Variants in FBN2 observed in about 807,000 individuals in gnomAD.
FBN2 encodes the protein fibrillin-2.
In FBN2, 105 loss-of-function variants were observed where a neutral mutation model predicts 355.6. That is an observed-to-expected ratio of 0.30 (90% CI 0.25 to 0.35). The LOEUF (loss-of-function observed/expected upper bound fraction) is 0.35, where lower values mean the gene tolerates loss of function less well. Among genes scored for constraint, FBN2 ranks in the 10% least tolerant of loss-of-function variants. The pLI is 1.00. For missense variants in FBN2, 3,280 were observed against 3,758.7 expected (o/e 0.87, Z 3.33); for synonymous variants, 1,350 against 1,301.2 (o/e 1.04, Z -0.81).
chr5:128,371,489 TTCCC>T (rs199991704), intron 15 of FBN2, among the ~76,000 whole-genome samples: 7 of 136,572 alleles, frequency 5.1e-5, no homozygotes, highest in East Asian at 2.0e-4. Flanking sequence ...CCTTCCTTTC[TTCCC>T]TCCCTCCCTC....
At chr5:128,337,519 A>C (rs1470694331) in intron 27 of FBN2, among the ~76,000 whole-genome samples, 1 of 152,222 alleles carries the variant, frequency 6.6e-6, no homozygotes, top group Non-Finnish European at 1.5e-5. Context: ...CCTTTCTGGC[A>C]GCCCTACAGA....
chr5:128,324,136 TC>T (rs916350864), intron 34 of FBN2, among the ~76,000 whole-genome samples: 3 of 152,128 alleles, frequency 2.0e-5, no homozygotes, highest in Admixed American at 6.6e-5. Context: ...AGTGGTGATA[TC>T]CCCCCCTTTA....
chr5:128,290,150 C>G (rs1157770366), intron 50 of FBN2, among the ~76,000 whole-genome samples: 1 of 152,178 alleles, frequency 6.6e-6, no homozygotes. Context: ...CTGCTCAGTG[C>G]TCCTGGTTCT....
intron 11 of FBN2, among the ~76,000 whole-genome samples, chr5:128,388,133 G>C (rs1752416566): frequency 1.3e-5 from 2 of 152,126 alleles, no homozygotes. Context: ...TTGGTTTAAA[G>C]TCTGTTTTGT....
chr5:128,504,261 G>A (rs1025570933), intron 5 of FBN2, among the ~76,000 whole-genome samples: 5 of 152,146 alleles, frequency 3.3e-5, no homozygotes, highest in Admixed American at 2.6e-4. Context: ...GGGAAATGTG[G>A]GGTCGCAGCC....
At chr5:128,309,707 G>A (rs1749980047) in intron 40 of FBN2, among the ~76,000 whole-genome samples, 1 of 151,832 alleles carries the variant, frequency 6.6e-6, no homozygotes, top group Admixed American at 6.6e-5. Flanking sequence ...TCTTTTATTT[G>A]TAAATTAATG....
intron 5 of FBN2, among the ~76,000 whole-genome samples, chr5:128,496,645 G>A (rs1035879799): frequency 6.6e-6 from 1 of 151,958 alleles, no homozygotes; most frequent in Admixed American, 6.6e-5. Flanking sequence ...TGTACCAGAG[G>A]TTCCAGCCAG....
At chr5:128,386,630 A>T (rs538084838) in intron 11 of FBN2, among the ~76,000 whole-genome samples, 1 of 152,198 alleles carries the variant, frequency 6.6e-6, no homozygotes, top group Admixed American at 6.5e-5. Context: ...CATTTTAATA[A>T]TGTCGATTCT....
intron 42 of FBN2, among the ~76,000 whole-genome samples, chr5:128,306,357 C>T (rs764284539): frequency 7.2e-5 from 11 of 152,022 alleles, no homozygotes; most frequent in East Asian, 1.9e-4. Flanking sequence ...TGGTGGCTCA[C>T]GCCTGTAATC....
chr5:128,259,619 C>A lies in FBN2; in HGVS notation c.8575G>T (p.Ala2859Ser). The stretch of plus-strand genomic sequence containing the variant: ...GTGCCGGGCATGAGCTTCTTCTTGG[C>A]CGTGTGCAAGTAGCTGAGCCCATTC... ...QRNGLSYLHT[A>S]KKKLMPGTYT... The change falls in exon 65 of 65, where the codon GCC becomes TCC. Residue 2859 changes from alanine (A) to serine (S), a missense_variant. Ala to Ser is a moderately conservative substitution (Grantham distance 99, BLOSUM62 1). Transcript: ENST00000262464. 1.2e-6 allele frequency: 2 copies of A among 1,614,002 alleles called. No homozygotes were observed. The highest frequency in any genetic ancestry group is 1.7e-6 in the Non-Finnish European group (2 of 1,180,006).
At chr5:128,450,593 C>T (rs1406327299) in intron 6 of FBN2, among the ~76,000 whole-genome samples, 1 of 151,942 alleles carries the variant, frequency 6.6e-6, no homozygotes, top group Admixed American at 6.6e-5. Flanking sequence ...AAAAGAGAAG[C>T]TTCTTAAATC....
chr5:128,332,113 G>A (rs1750709924), intron 32 of FBN2, among the ~76,000 whole-genome samples: 1 of 152,132 alleles, frequency 6.6e-6, no homozygotes, highest in African/African-American at 2.4e-5. Context: ...GGATAAAAAA[G>A]TATATATTCA....
chr5:128,446,510 T>C lies in FBN2; in HGVS notation c.923A>G (p.Lys308Arg), dbSNP rs1259447974. The C allele has an allele frequency of 6.2e-7, 1 of 1,614,038 alleles. No individual in the cohort carries two copies. The highest frequency in any genetic ancestry group is 1.3e-5 in the African/African-American group (1 of 75,062). ...ACATTTCTGAGTAGTTTCACTCTGTTTGTGACCAGCAGGGCATCTGCATTC... is the reference window on the plus strand; with the variant it reads ...ACATTTCTGAGTAGTTTCACTCTGTCTGTGACCAGCAGGGCATCTGCATTC... ...SFECRCPAGH[K>R]QSETTQKCED... The change falls in exon 7 of 65, where the codon AAA becomes AGA. Residue 308 changes from lysine to arginine, a missense_variant. By Grantham distance (26) the Lys-to-Arg change is conservative (BLOSUM62 2). This residue lies in a region of FBN2 where 343 missense variants were observed against 331.0 expected (regional missense o/e 1.04). Coordinates refer to ENST00000262464, the MANE Select transcript of FBN2 (RefSeq NM_001999.4).
rs765281440 is a variant in FBN2, at chr5:128,335,404, CA to C, written c.3847+50del. On this transcript the variant is annotated intron_variant, in intron 29 of 64. Coordinates refer to ENST00000262464, the MANE Select transcript of FBN2 (RefSeq NM_001999.4). ...TTGGTAATATCTGGAGCCATATTTT[CA>C]AGAAAAAATTAGTTAGATGTACAAA... The C allele has an allele frequency of 1.7e-4, 272 of 1,613,378 alleles. 1 individual carries two copies. Among genetic ancestry groups the C allele is most frequent in the Non-Finnish European group, 1.8e-5 (21 of 1,179,368 alleles).
chr5:128,498,422 T>A (rs934208786), intron 5 of FBN2, among the ~76,000 whole-genome samples: 2 of 152,214 alleles, frequency 1.3e-5, no homozygotes, highest in South Asian at 4.1e-4. Context: ...TGTTCTTTGA[T>A]CTTGTCTAGT....
intron 7 of FBN2, among the ~76,000 whole-genome samples, chr5:128,436,881 T>C (rs1404808305): frequency 6.6e-6 from 1 of 152,148 alleles, no homozygotes; most frequent in Non-Finnish European, 1.5e-5. Context: ...AGTCCTGGGC[T>C]GAGGTGGAGA....
chr5:128,331,253 G>T (rs2126889889), intron 32 of FBN2, among the ~76,000 whole-genome samples: 1 of 152,304 alleles, frequency 6.6e-6, no homozygotes, highest in South Asian at 2.1e-4. Flanking sequence ...TGGGCTGCAG[G>T]AACAAAGATG....
chr5:128,520,925 A>G (rs2112789951), intron 4 of FBN2, among the ~76,000 whole-genome samples: 1 of 152,296 alleles, frequency 6.6e-6, no homozygotes, highest in South Asian at 2.1e-4. Flanking sequence ...CGAAGCAGAA[A>G]GGAAAAGGAA....
intron 42 of FBN2, 82 bp from the exon 43 acceptor site, chr5:128,306,030 C>T: frequency 1.5e-6 from 2 of 1,315,500 alleles, no homozygotes; most frequent in Non-Finnish European, 2.2e-6. Context: ...GCTACATGTA[C>T]CCTGGGATGA....
Sources: gnomAD v4.1 joint callset for allele counts (sites outside exome capture counted in the v4.1 genomes callset) on GRCh38, gnomAD v4.1.1 for gene constraint, gnomAD v4.1.1 regional missense constraint, MANE v1.5 for transcripts, NCBI Gene and HGNC (gene_info 2026-07-23, HGNC 2026-07-21) for gene names.